Variants in NOL4L observed in about 807,000 individuals in gnomAD.
NOL4L encodes the protein nucleolar protein 4 like, also known as nucleolar protein 4-like.
In NOL4L, 7 loss-of-function variants were observed where a neutral mutation model predicts 64.5. The ratio of observed to expected loss-of-function variants is 0.11; its 90% CI spans 0.06 to 0.20. The LOEUF (loss-of-function observed/expected upper bound fraction) is 0.20. Ranked by LOEUF, NOL4L falls within the 10% of genes least tolerant of loss-of-function variation. The pLI is 1.00. For synonymous variants in NOL4L, 413 were observed against 401.0 expected (o/e 1.03, Z -0.36); for missense variants, 680 against 967.1 (o/e 0.70, Z 3.94).
intron 1 of NOL4L, 55 bp from the exon 2 acceptor site, chr20:32,527,968 C>T: frequency 1.5e-6 from 2 of 1,336,032 alleles, no homozygotes; most frequent in Admixed American, 2.3e-5. Context: ...GGGGTGAGAA[C>T]TGGGCCCTGA....
chr20:32,484,586 G>A (rs2015968530), intron 4 of NOL4L, among the ~76,000 whole-genome samples: 1 of 150,496 alleles, frequency 6.6e-6, no homozygotes. Flanking sequence ...CCGCGTGCCC[G>A]CCCCCGCCCC....
chr20:32,455,502 C>T lies in NOL4L; in HGVS notation c.1119+616G>A, dbSNP rs62207972. Reference sequence around the variant, plus strand: ...TAAGCTCCAGGAAGGCACCTCTGGCCCCCGGGCCCAGGTTGGAGAAGAGGC... The same window carrying T: ...TAAGCTCCAGGAAGGCACCTCTGGCTCCCGGGCCCAGGTTGGAGAAGAGGC... On this transcript the variant is annotated intron_variant, in intron 6 of 10. Coordinates refer to ENST00000621426, the MANE Select transcript of NOL4L (RefSeq NM_001256798.2). 7.3e-3 allele frequency among the ~76,000 whole-genome samples: 1,105 copies of T among 152,328 alleles called. 8 individuals are homozygous for T. Among genetic ancestry groups the T allele is most frequent in the African/African-American group, 0.018 (766 of 41,568 alleles).
chr20:32,571,935 G>C (rs902433896), intron 1 of NOL4L, among the ~76,000 whole-genome samples: 10 of 152,224 alleles, frequency 6.6e-5, no homozygotes, highest in African/African-American at 1.7e-4. Flanking sequence ...CTGAACTGCA[G>C]AATCTTTGGG....
chr20:32,467,769 G>T (rs2014677227), intron 5 of NOL4L, among the ~76,000 whole-genome samples: 1 of 152,234 alleles, frequency 6.6e-6, no homozygotes, highest in African/African-American at 2.4e-5. Context: ...GCCCAAGGCT[G>T]CCTGGCAAGG....
rs1378634060 is a variant in NOL4L, at chr20:32,443,342, A to C, written c.*4254T>G. On this transcript the variant is annotated 3_prime_UTR_variant, in exon 11 of 11. Coordinates refer to ENST00000621426, the MANE Select transcript of NOL4L (RefSeq NM_001256798.2). ...TAAGCCACATTTACTGGTAAAACTC[A>C]CTATATAGAACACAAATAATTTTTA... 1 of 152,242 alleles carries C rather than the reference A, an allele frequency of 6.6e-6. No homozygotes were observed. The highest frequency in any genetic ancestry group is 1.5e-5 in the Non-Finnish European group (1 of 68,044). The allele number at this position is 152,242 out of a possible 1,614,324, so 9.4% of individuals were successfully genotyped here. A position where few individuals can be genotyped will look rare whatever the true frequency, so the allele number is the denominator to read the frequency against.
At chr20:32,488,719 T>TTTTTCTTTCTTTC (rs1410879348) in intron 4 of NOL4L, among the ~76,000 whole-genome samples, 1 of 151,970 alleles carries the variant, frequency 6.6e-6, no homozygotes, top group Non-Finnish European at 1.5e-5. Context: ...CTTGTATTTC[T>TTTTTCTTTCTTTC]TTTTCTTTCT....
intron 1 of NOL4L, among the ~76,000 whole-genome samples, chr20:32,538,873 G>A (rs2018604818): frequency 1.3e-5 from 2 of 152,232 alleles, no homozygotes; most frequent in African/African-American, 4.8e-5. Context: ...CCCGGAAAGG[G>A]AGATGTTCGT....
At chr20:32,526,126 A>ACAATCCTCCCATCTCAAC (rs1290587970) in intron 2 of NOL4L, among the ~76,000 whole-genome samples, 5 of 152,058 alleles carry the variant, frequency 3.3e-5, no homozygotes, top group Non-Finnish European at 7.4e-5. Flanking sequence ...TCCAGCTCAA[A>ACAATCCTCCCATCTCAAC]CAATCCTCCC....
intron 4 of NOL4L, among the ~76,000 whole-genome samples, chr20:32,503,154 A>G (rs561350250): frequency 6.6e-6 from 1 of 152,194 alleles, no homozygotes; most frequent in African/African-American, 2.4e-5. Context: ...GGTCAAGGAC[A>G]GTATTTCAGC....
Position 32,447,429 on chromosome 20 carries a change from A to G in NOL4L, c.*167T>C, listed in dbSNP as rs996050637. On this transcript the variant is annotated 3_prime_UTR_variant, in exon 11 of 11. Transcript: ENST00000621426. ...AAAAAAAAAAAAAAAAAAAAAAAAA[A>G]GTGTCCTTGTGCCCAAAGTCTCAGG... 2.6e-6 allele frequency: 2 copies of G among 757,704 alleles called. No individual in the cohort carries two copies. Among genetic ancestry groups the G allele is most frequent in the Non-Finnish European group, 2.0e-6 (1 of 494,142 alleles). The allele number at this position is 757,704 out of a possible 1,614,324, so 46.9% of individuals were successfully genotyped here.
intron 1 of NOL4L, chr20:32,535,496 A>T: frequency 1.3e-6 from 1 of 765,962 alleles, no homozygotes; most frequent in Non-Finnish European, 1.6e-6. Flanking sequence ...TGCCGCCGCC[A>T]CCGCCACCAC....
At chr20:32,511,323 G>T in intron 4 of NOL4L, 24 bp downstream of exon 4, 1 of 1,475,338 alleles carries the variant, frequency 6.8e-7, no homozygotes, top group South Asian at 1.2e-5. Context: ...CTCCAGGTGG[G>T]GTGAGGGGAG....
In NOL4L at chr20:32,460,394, A is replaced by C. The variant is rs59267739; in HGVS notation, c.842-3999T>G. On this transcript the variant is annotated intron_variant, in intron 5 of 10. Transcript: ENST00000621426. This position sits in a 1 kb window ranked among gnomAD's most constrained non-coding sequence, Gnocchi z 5.7. The stretch of plus-strand genomic sequence containing the variant: ...CCAGCTCCGCTCAGGCAGCCCCGGC[A>C]TGCCAGCCCCCACCCCACACAGCTG... 6.6e-6 allele frequency among the ~76,000 whole-genome samples: 1 copy of C among 152,092 alleles called. No homozygotes were observed. Among genetic ancestry groups the C allele is most frequent in the Non-Finnish European group, 1.5e-5 (1 of 68,022 alleles).
chr20:32,538,464 TCCC>T, intron 1 of NOL4L, among the ~76,000 whole-genome samples: 1 of 15,824 alleles, frequency 6.3e-5, no homozygotes, highest in Non-Finnish European at 9.7e-5. Flanking sequence ...CCTCCCTCGC[TCCC>T]TCCCTCCCTC....
intron 1 of NOL4L, among the ~76,000 whole-genome samples, chr20:32,546,917 G>A (rs1052600364): frequency 6.6e-6 from 1 of 152,174 alleles, no homozygotes; most frequent in Admixed American, 6.5e-5. Flanking sequence ...CACAAAGTAG[G>A]TGCCCAGGAA....
At chr20:32,573,055 T>C (rs2145621796) in intron 1 of NOL4L, among the ~76,000 whole-genome samples, 1 of 138,090 alleles carries the variant, frequency 7.2e-6, no homozygotes, top group Non-Finnish European at 1.5e-5. Context: ...TTTTTTTTTT[T>C]AGACAGGGTC....
At chr20:32,524,273 C>T (rs1404573797) in intron 2 of NOL4L, among the ~76,000 whole-genome samples, 5 of 152,094 alleles carry the variant, frequency 3.3e-5, no homozygotes, top group Non-Finnish European at 5.9e-5. Context: ...TCCTCTGCAC[C>T]TCAGGTCACA....
intron 5 of NOL4L, among the ~76,000 whole-genome samples, chr20:32,459,380 ATTTTTT>A (rs35851647): frequency 8.2e-6 from 1 of 121,334 alleles, no homozygotes. Flanking sequence ...CGCTTGGCTA[ATTTTTT>A]TTTTTTTTTT....
chr20:32,462,836 T>G (rs1600668013), intron 5 of NOL4L, among the ~76,000 whole-genome samples: 3 of 125,296 alleles, frequency 2.4e-5, no homozygotes, highest in East Asian at 2.5e-4. Context: ...ACCCGGGAGG[T>G]GGAGGTTGCA....
Sources: allele counts gnomAD v4.1 joint callset (sites outside exome capture counted in the v4.1 genomes callset), GRCh38; gene constraint gnomAD v4.1.1; non-coding constraint Gnocchi (gnomAD v3.1); transcripts MANE v1.5; gene names NCBI Gene and HGNC (gene_info 2026-07-23, HGNC 2026-07-21).